NAALADL2: variants seen among roughly 807,000 people sequenced by gnomAD.
NAALADL2 encodes inactive N-acetylated-alpha-linked acidic dipeptidase-like protein 2.
In NAALADL2, 76 loss-of-function variants were observed where a neutral mutation model predicts 87.2. That is an observed-to-expected ratio of 0.87 (90% confidence interval 0.72 to 1.05). The LOEUF (loss-of-function observed/expected upper bound fraction) is 1.05, where lower values mean the gene tolerates loss of function less well. NAALADL2 is among the 50% of genes least tolerant of loss of function. The probability of loss-of-function intolerance (pLI) is 0.00; values close to 1 mark genes in which losing one functional copy is unlikely to be tolerated. For synonymous variants in NAALADL2, 354 were observed against 331.0 expected (o/e 1.07, Z -0.75); for missense variants, 1,089 against 945.8 (o/e 1.15, Z -1.99).
intron 1 of NAALADL2, among the ~76,000 whole-genome samples, chr3:174,914,248 A>T (rs1326733526): frequency 6.6e-6 from 1 of 151,864 alleles, no homozygotes; most frequent in African/African-American, 2.4e-5. Context: ...TTTTTAGTGG[A>T]GAGAGGGTTT....
chr3:175,733,822 A>G (rs993732875), intron 11 of NAALADL2, among the ~76,000 whole-genome samples: 13 of 152,238 alleles, frequency 8.5e-5, no homozygotes, highest in African/African-American at 3.1e-4. Context: ...ACCAAAATAC[A>G]GGGGCTACAG....
intron 1 of NAALADL2, among the ~76,000 whole-genome samples, chr3:174,521,432 G>A (rs922310498): frequency 6.6e-6 from 1 of 151,828 alleles, no homozygotes; most frequent in African/African-American, 2.4e-5. Flanking sequence ...CGGGCGTGGT[G>A]ATGCATGCCT....
intron 2 of NAALADL2, among the ~76,000 whole-genome samples, chr3:175,207,574 T>A (rs1170788708): frequency 6.6e-6 from 1 of 152,088 alleles, no homozygotes; most frequent in African/African-American, 2.4e-5. Flanking sequence ...AACACACTGT[T>A]ACTAAGAGGC....
intron 2 of NAALADL2, among the ~76,000 whole-genome samples, chr3:175,183,248 GTA>G (rs1186603750): frequency 1.5e-5 from 1 of 68,512 alleles, no homozygotes; most frequent in Non-Finnish European, 4.0e-5. Context: ...TTATTCCTAA[GTA>G]TTTTTTTTTG....
rs190785590 is a variant in NAALADL2 at position 175,705,349 on chromosome 3, G to T, written c.1897-31957G>T. Among the ~76,000 whole-genome samples the T allele has an allele frequency of 1.8e-3, 270 of 152,142 alleles. 1 individual carries two copies. The highest frequency in any genetic ancestry group is 3.8e-3 in the Admixed American group (58 of 15,246). On this transcript the variant is annotated intron_variant, in intron 11 of 13. Coordinates refer to ENST00000454872, the MANE Select transcript of NAALADL2 (RefSeq NM_207015.3). ...TTCTGCTGCAATATATGACTAGTTGGATTTTTTTTAATCAAAGTATTAAAT... is the reference window on the plus strand; with the variant it reads ...TTCTGCTGCAATATATGACTAGTTGTATTTTTTTTAATCAAAGTATTAAAT...
intron 3 of NAALADL2, among the ~76,000 whole-genome samples, chr3:174,761,763 C>T (rs1712995496): frequency 1.6e-5 from 2 of 124,482 alleles, no homozygotes; most frequent in South Asian, 6.5e-4. Context: ...CTAACCCTCC[C>T]CCCACCCCAC....
At chr3:175,620,148 GA>G in intron 10 of NAALADL2, among the ~76,000 whole-genome samples, 1 of 152,104 alleles carries the variant, frequency 6.6e-6, no homozygotes, top group South Asian at 2.1e-4. Context: ...TGAGCCCCCA[GA>G]AATGACATAG....
chr3:175,559,625 T>C (rs1402265448), intron 9 of NAALADL2, among the ~76,000 whole-genome samples: 6 of 152,180 alleles, frequency 3.9e-5, no homozygotes, highest in Non-Finnish European at 8.8e-5. Context: ...CTATACCAAG[T>C]TTTTTGACGG....
intron 1 of NAALADL2, among the ~76,000 whole-genome samples, chr3:174,500,801 C>G (rs1480926158): frequency 2.6e-5 from 4 of 151,518 alleles, no homozygotes; most frequent in Non-Finnish European, 5.9e-5. Context: ...AGCCTTGCGT[C>G]CCTGGGATAA....
At chr3:175,310,300 T>C (rs1758203469) in intron 4 of NAALADL2, among the ~76,000 whole-genome samples, 1 of 151,946 alleles carries the variant, frequency 6.6e-6, no homozygotes, top group African/African-American at 2.4e-5. Flanking sequence ...TACAAAGTCA[T>C]TGAACATCAA....
intron 1 of NAALADL2, among the ~76,000 whole-genome samples, chr3:174,446,500 A>T (rs184162230): frequency 2.0e-5 from 3 of 152,202 alleles, no homozygotes; most frequent in African/African-American, 7.2e-5. Context: ...ACTCCTGTTC[A>T]TCAAGTACAA....
chr3:175,393,275 C>G (rs1276082229), intron 5 of NAALADL2, among the ~76,000 whole-genome samples: 1 of 59,704 alleles, frequency 1.7e-5, no homozygotes, highest in Non-Finnish European at 2.7e-5. Flanking sequence ...AGCGAGACTC[C>G]GTCTCAAAAA....
At chr3:175,067,154 T>C (rs953334342) in intron 1 of NAALADL2, among the ~76,000 whole-genome samples, 19 of 152,072 alleles carry the variant, frequency 1.2e-4, no homozygotes, top group African/African-American at 3.6e-4. Flanking sequence ...GAAGAAAACA[T>C]AGGAGACACC....
chr3:174,841,174 TA>T (rs1723987149), intron 3 of NAALADL2, among the ~76,000 whole-genome samples: 1 of 152,196 alleles, frequency 6.6e-6, no homozygotes, highest in Non-Finnish European at 1.5e-5. Context: ...TCTCTACAGT[TA>T]ATTTGTTGTT....
rs543137936 is a variant in NAALADL2 at position 175,809,067 on chromosome 3, ATT to A, written c.*5868_*5869del. ...TGCTAGTGTTTTATTAATATTAAAAATTTTTGTTTACTTATATATCAAGCTGC... is the reference window on the plus strand; with the variant it reads ...TGCTAGTGTTTTATTAATATTAAAAATTTGTTTACTTATATATCAAGCTGC... On this transcript the variant is annotated 3_prime_UTR_variant, in exon 14 of 14. Transcript: ENST00000454872. 2.6e-5 allele frequency: 4 copies of A among 151,936 alleles called. No homozygotes were observed. The highest frequency in any genetic ancestry group is 4.4e-5 in the Non-Finnish European group (3 of 67,948). The allele number at this position is 151,936 out of a possible 1,614,324, so 9.4% of individuals were successfully genotyped here. A position where few individuals can be genotyped will look rare whatever the true frequency, so the allele number is the denominator to read the frequency against.
chr3:174,530,632 G>A (rs1177056745), intron 1 of NAALADL2, among the ~76,000 whole-genome samples: 1 of 152,192 alleles, frequency 6.6e-6, no homozygotes, highest in Non-Finnish European at 1.5e-5. Context: ...GAAGGTGAAA[G>A]GCATGTCTCA....
chr3:175,466,804 A>G (rs1273227705), intron 7 of NAALADL2, among the ~76,000 whole-genome samples, 175 bp from the exon 8 acceptor site: 1 of 152,088 alleles, frequency 6.6e-6, no homozygotes, highest in East Asian at 1.9e-4. Flanking sequence ...CTCTGCTTTG[A>G]TATACACAGA....
intron 13 of NAALADL2, among the ~76,000 whole-genome samples, chr3:175,799,737 A>G (rs887521124): frequency 4.1e-4 from 63 of 152,096 alleles, no homozygotes; most frequent in African/African-American, 1.5e-3. Context: ...TCACTATTTA[A>G]GTCATTTTGA....
At chr3:175,627,145 G>A (rs1031456949) in intron 10 of NAALADL2, 146 bp from the exon 11 acceptor site, 1 of 623,982 alleles carries the variant, frequency 1.6e-6, no homozygotes, top group African/African-American at 1.9e-5. Context: ...GGGATGGGTA[G>A]TTAGATCAGG....
Sources: gnomAD v4.1 joint callset for allele counts (sites outside exome capture counted in the v4.1 genomes callset) on GRCh38, gnomAD v4.1.1 for gene constraint, MANE v1.5 for transcripts, NCBI Gene and HGNC (gene_info 2026-07-23, HGNC 2026-07-21) for gene names.